Variants in KCNIP4 observed in about 807,000 individuals in gnomAD.
KCNIP4 encodes Kv channel-interacting protein 4.
In KCNIP4, 12 loss-of-function variants were observed where a neutral mutation model predicts 34.0. That is an observed-to-expected ratio of 0.35 (90% confidence interval 0.23 to 0.57). The LOEUF is 0.57. Ranked by LOEUF, KCNIP4 falls within the 20% of genes least tolerant of loss-of-function variation. The pLI, the probability that KCNIP4 is intolerant of heterozygous loss-of-function variation, is 0.83. For synonymous variants in KCNIP4, 124 were observed against 102.2 expected, an observed-to-expected ratio of 1.21 and a Z score of -1.29; for missense variants, 238 against 311.7, an observed-to-expected ratio of 0.76 and a Z score of 1.78.
chr4:21,609,506 G>A (rs1252086737), intron 1 of KCNIP4, among the ~76,000 whole-genome samples: 2 of 152,136 alleles, frequency 1.3e-5, no homozygotes, highest in Non-Finnish European at 2.9e-5. Flanking sequence ...TCAAAGATCT[G>A]AATTGCTGAC....
intron 3 of KCNIP4, among the ~76,000 whole-genome samples, chr4:20,833,946 A>C (rs1006751090): frequency 4.6e-5 from 7 of 152,228 alleles, no homozygotes; most frequent in African/African-American, 1.7e-4. Flanking sequence ...ACAAATCCAC[A>C]GAAGCACCCC....
chr4:21,562,553 G>T (rs927068006), intron 1 of KCNIP4, among the ~76,000 whole-genome samples: 5 of 152,036 alleles, frequency 3.3e-5, no homozygotes, highest in Admixed American at 6.6e-5. Context: ...TGGGAATTTC[G>T]TGGTAACTTG....
chr4:21,810,041 T>C (rs1377334235), intron 1 of KCNIP4, among the ~76,000 whole-genome samples: 2 of 152,124 alleles, frequency 1.3e-5, no homozygotes, highest in Non-Finnish European at 2.9e-5. Flanking sequence ...CTCCAGAGTC[T>C]GCATTCAGAC....
At chr4:20,898,451 A>T (rs945627322) in intron 1 of KCNIP4, among the ~76,000 whole-genome samples, 1 of 152,184 alleles carries the variant, frequency 6.6e-6, no homozygotes, top group Non-Finnish European at 1.5e-5. Flanking sequence ...AGGGGATATT[A>T]TTAATAATGA....
At chr4:21,707,794 G>A (rs554552045) in intron 1 of KCNIP4, among the ~76,000 whole-genome samples, 1 of 152,114 alleles carries the variant, frequency 6.6e-6, no homozygotes, top group East Asian at 1.9e-4. Flanking sequence ...AAAAGGAAAG[G>A]TTGAGGGGTC....
At chr4:21,916,745 T>C (rs1008905487) in intron 1 of KCNIP4, among the ~76,000 whole-genome samples, 1 of 152,220 alleles carries the variant, frequency 6.6e-6, no homozygotes, top group Non-Finnish European at 1.5e-5. Flanking sequence ...ACAACTCAAA[T>C]GACGTTATTT....
chr4:20,837,637 T>A (rs1197290979), intron 3 of KCNIP4, among the ~76,000 whole-genome samples: 9 of 147,962 alleles, frequency 6.1e-5, no homozygotes, highest in African/African-American at 1.0e-4. Context: ...TATATATATA[T>A]AAATTATTTA....
intron 1 of KCNIP4, among the ~76,000 whole-genome samples, chr4:21,759,177 T>C (rs1452928256): frequency 2.0e-5 from 3 of 152,174 alleles, no homozygotes; most frequent in African/African-American, 4.8e-5. Context: ...AATAGAACAA[T>C]TATGTGAACC....
chr4:21,628,299 C>T (rs536626269), intron 1 of KCNIP4, among the ~76,000 whole-genome samples: 1 of 152,128 alleles, frequency 6.6e-6, no homozygotes, highest in Non-Finnish European at 1.5e-5. Flanking sequence ...CTGTGATTAC[C>T]CAATACCCCA....
At chr4:21,838,346 T>C (rs1158693920) in intron 1 of KCNIP4, among the ~76,000 whole-genome samples, 1 of 152,188 alleles carries the variant, frequency 6.6e-6, no homozygotes, top group Non-Finnish European at 1.5e-5. Flanking sequence ...CACTCTTGTG[T>C]TGTAAAAGTG....
intron 1 of KCNIP4, among the ~76,000 whole-genome samples, chr4:21,737,783 T>G (rs1716090990): frequency 6.6e-6 from 1 of 152,122 alleles, no homozygotes; most frequent in African/African-American, 2.4e-5. Context: ...AAACCTAAGT[T>G]AATAAAAGGC....
chr4:21,917,486 C>T (rs192513057), intron 1 of KCNIP4, among the ~76,000 whole-genome samples: 39 of 152,208 alleles, frequency 2.6e-4, no homozygotes, highest in African/African-American at 6.0e-4. Flanking sequence ...CACACAGATA[C>T]GCCCCAAACC....
At chr4:21,660,454 T>A (rs968928142) in intron 1 of KCNIP4, among the ~76,000 whole-genome samples, 1 of 152,188 alleles carries the variant, frequency 6.6e-6, no homozygotes, top group Non-Finnish European at 1.5e-5. Flanking sequence ...ATAACATATT[T>A]TTACTTTCCA....
chr4:21,432,951 T>C (rs1726622207), intron 1 of KCNIP4, among the ~76,000 whole-genome samples: 1 of 152,098 alleles, frequency 6.6e-6, no homozygotes, highest in South Asian at 2.1e-4. Flanking sequence ...ATTTCTGAAT[T>C]CTGAAACAAG....
At chr4:21,682,512 T>C (rs570857496) in intron 1 of KCNIP4, among the ~76,000 whole-genome samples, 1 of 152,332 alleles carries the variant, frequency 6.6e-6, no homozygotes, top group Non-Finnish European at 1.5e-5. Context: ...ATGTCTTCAC[T>C]AGAATAGCAA....
intron 1 of KCNIP4, among the ~76,000 whole-genome samples, chr4:21,904,997 A>C (rs932324946): frequency 3.3e-5 from 5 of 152,206 alleles, no homozygotes; most frequent in African/African-American, 1.2e-4. Flanking sequence ...ATTTTTACCC[A>C]GGTATAAAAT....
At chr4:21,774,528 C>A (rs780866858) in intron 1 of KCNIP4, among the ~76,000 whole-genome samples, 2 of 152,138 alleles carry the variant, frequency 1.3e-5, no homozygotes, top group African/African-American at 2.4e-5. Flanking sequence ...TCCTGAAATG[C>A]GTTTTCCAGC....
chr4:20,979,529 G>T (rs1276448024), intron 1 of KCNIP4, among the ~76,000 whole-genome samples: 1 of 151,786 alleles, frequency 6.6e-6, no homozygotes, highest in African/African-American at 2.4e-5. Context: ...CTCCCGAGTA[G>T]CTGGGACTAC....
chr4:21,918,609 G>T (rs1728770511), intron 1 of KCNIP4, among the ~76,000 whole-genome samples: 2 of 152,264 alleles, frequency 1.3e-5, no homozygotes, highest in Middle Eastern at 3.4e-3. Context: ...CAAGGTAGAA[G>T]AATACTAACC....
Sources: allele counts gnomAD v4.1 joint callset (sites outside exome capture counted in the v4.1 genomes callset), GRCh38; gene constraint gnomAD v4.1.1; transcripts MANE v1.5; gene names NCBI Gene and HGNC (gene_info 2026-07-23, HGNC 2026-07-21).